CSMD1: variants seen among roughly 807,000 people sequenced by gnomAD.
CSMD1 encodes the protein CUB and Sushi multiple domains 1.
CSMD1 carries 213 observed loss-of-function variants against 417.5 expected under a neutral mutation model. The ratio of observed to expected loss-of-function variants is 0.51; its 90% CI spans 0.46 to 0.57. The LOEUF is 0.57. Ranked by LOEUF, CSMD1 falls within the 20% of genes least tolerant of loss-of-function variation. CSMD1 has a pLI of 0.00. For synonymous variants in CSMD1, 2,862 were observed against 1,736.8 expected, an observed-to-expected ratio of 1.65 and a Z score of -16.11; for missense variants, 6,923 against 4,529.7, an observed-to-expected ratio of 1.53 and a Z score of -15.17.
intron 3 of CSMD1, among the ~76,000 whole-genome samples, chr8:4,045,382 A>C (rs1167666814): frequency 1.3e-5 from 2 of 152,190 alleles, no homozygotes; most frequent in Non-Finnish European, 2.9e-5. Context: ...CTGTCATTTA[A>C]AACAGTGCTA....
chr8:4,372,470 A>C lies in CSMD1; in HGVS notation c.415+47483T>G, dbSNP rs114995845. Reference sequence around the variant, plus strand: ...TGAACTCAATTCAAGGGCAATAGTTAAGTGTCACTTAAAACAACAACAACA... The same window carrying C: ...TGAACTCAATTCAAGGGCAATAGTTCAGTGTCACTTAAAACAACAACAACA... On this transcript the variant is annotated intron_variant, in intron 3 of 69. Transcript: ENST00000635120. Among the ~76,000 whole-genome samples, 732 of 151,370 alleles carry C rather than the reference A, an allele frequency of 4.8e-3. 7 individuals carry two copies. Among genetic ancestry groups the C allele is most frequent in the African/African-American group, 0.016 (670 of 40,846 alleles).
chr8:4,619,628 T>C (rs750706230), intron 2 of CSMD1, among the ~76,000 whole-genome samples: 2 of 152,146 alleles, frequency 1.3e-5, no homozygotes, highest in Non-Finnish European at 2.9e-5. Context: ...GTGCACTCTG[T>C]ACTCTAGCCA....
intron 25 of CSMD1, among the ~76,000 whole-genome samples, chr8:3,302,376 G>C (rs1171896863): frequency 2.6e-5 from 4 of 151,934 alleles, no homozygotes; most frequent in Non-Finnish European, 5.9e-5. Flanking sequence ...GTCCTTCTTG[G>C]CTGAGTTTCC....
intron 5 of CSMD1, among the ~76,000 whole-genome samples, chr8:3,850,418 G>A (rs1554460907): frequency 6.6e-6 from 1 of 152,188 alleles, no homozygotes. Context: ...CATTAAGCCT[G>A]GCATGGTGGC....
intron 41 of CSMD1, among the ~76,000 whole-genome samples, chr8:3,120,239 G>C (rs995627658): frequency 3.9e-5 from 6 of 152,134 alleles, no homozygotes; most frequent in African/African-American, 1.4e-4. Flanking sequence ...AGCTTGATGC[G>C]GGATTACTCA....
chr8:4,336,897 C>T (rs1045318484), intron 3 of CSMD1, among the ~76,000 whole-genome samples: 11 of 152,088 alleles, frequency 7.2e-5, no homozygotes, highest in Admixed American at 6.6e-4. Flanking sequence ...ATGGGATTGC[C>T]TAATTTCCAT....
At chr8:4,645,987 A>G (rs957871335) in intron 1 of CSMD1, among the ~76,000 whole-genome samples, 1 of 152,218 alleles carries the variant, frequency 6.6e-6, no homozygotes. Flanking sequence ...CAAATCAAAA[A>G]CAACAAGCAC....
At chr8:3,644,415 A>C (rs560486071) in intron 7 of CSMD1, among the ~76,000 whole-genome samples, 1 of 152,348 alleles carries the variant, frequency 6.6e-6, no homozygotes, top group Admixed American at 6.5e-5. Flanking sequence ...TCGCATTTAC[A>C]GTTTCCTCAC....
At chr8:4,476,266 T>C (rs114159367) in intron 2 of CSMD1, among the ~76,000 whole-genome samples, 3,443 of 152,252 alleles carry the variant, frequency 0.023, 70 homozygotes, top group Middle Eastern at 0.096. Flanking sequence ...TTTTTATTCA[T>C]CATGATAGAG....
intron 1 of CSMD1, among the ~76,000 whole-genome samples, chr8:4,910,068 C>T (rs4568636): frequency 0.24 from 36,533 of 152,202 alleles, 5,083 homozygotes; most frequent in East Asian, 0.52. Context: ...CTTTCTGTAA[C>T]TCACAAAACC....
chr8:4,462,501 A>G (rs989455881), intron 2 of CSMD1, among the ~76,000 whole-genome samples: 3 of 152,158 alleles, frequency 2.0e-5, no homozygotes, highest in African/African-American at 4.8e-5. Flanking sequence ...TGATCCTAAA[A>G]TGCATATGGA....
intron 3 of CSMD1, among the ~76,000 whole-genome samples, chr8:4,408,188 C>G (rs1048589131): frequency 1.3e-5 from 2 of 152,196 alleles, no homozygotes; most frequent in African/African-American, 4.8e-5. Context: ...GTATACAAAT[C>G]AGTGTTGCAA....
At chr8:3,038,628 A>T (rs552812972) in intron 50 of CSMD1, among the ~76,000 whole-genome samples, 1 of 152,288 alleles carries the variant, frequency 6.6e-6, no homozygotes, top group South Asian at 2.1e-4. Flanking sequence ...CATGCACTGC[A>T]TATAACGCTG....
chr8:4,031,628 T>C (rs1311871924), intron 4 of CSMD1, among the ~76,000 whole-genome samples: 2 of 148,636 alleles, frequency 1.3e-5, no homozygotes, highest in East Asian at 2.2e-4. Flanking sequence ...GGTCCAAGCA[T>C]GACTTTTCTC....
intron 2 of CSMD1, among the ~76,000 whole-genome samples, chr8:4,441,329 T>C (rs898400228): frequency 2.1e-5 from 3 of 144,994 alleles, no homozygotes; most frequent in Non-Finnish European, 3.0e-5. Flanking sequence ...CCTAGGCTAG[T>C]TTTAAACAGC....
intron 3 of CSMD1, among the ~76,000 whole-genome samples, chr8:4,285,599 A>G (rs1395095313): frequency 6.6e-6 from 1 of 152,170 alleles, no homozygotes; most frequent in Non-Finnish European, 1.5e-5. Context: ...GCAGCTGGGA[A>G]ATTTGATTTC....
intron 30 of CSMD1, among the ~76,000 whole-genome samples, chr8:3,208,714 G>A (rs1440370520): frequency 2.6e-5 from 4 of 152,194 alleles, no homozygotes; most frequent in East Asian, 3.9e-4. Flanking sequence ...CCTTAATTTG[G>A]GTGGGCACCA....
chr8:3,437,931 G>C (rs78726972), intron 12 of CSMD1, among the ~76,000 whole-genome samples: 17,985 of 151,884 alleles, frequency 0.12, 1,100 homozygotes, highest in African/African-American at 0.15. Context: ...AGTAGAGACA[G>C]GGTTTCATCA....
intron 49 of CSMD1, among the ~76,000 whole-genome samples, chr8:3,074,929 G>C (rs1026444403): frequency 1.3e-5 from 2 of 152,150 alleles, no homozygotes; most frequent in Non-Finnish European, 2.9e-5. Context: ...CTCAGTGTTG[G>C]AGGTGGGGCC....
Sources: gnomAD v4.1 joint callset for allele counts (sites outside exome capture counted in the v4.1 genomes callset) on GRCh38, gnomAD v4.1.1 for gene constraint, MANE v1.5 for transcripts, NCBI Gene and HGNC (gene_info 2026-07-23, HGNC 2026-07-21) for gene names.